The following ABCA13 variants were observed in gnomAD, a reference collection of about 807,000 sequenced individuals.
ABCA13 encodes the protein ATP binding cassette subfamily A member 13.
In ABCA13, 476 loss-of-function variants were observed where a neutral mutation model predicts 478.7. The observed-to-expected ratio is 0.99, with a 90% CI of 0.92 to 1.07. The LOEUF is 1.07. ABCA13 is among the 50% of genes least tolerant of loss of function. The probability of loss-of-function intolerance (pLI) is 0.00; values close to 1 mark genes in which losing one functional copy is unlikely to be tolerated. For synonymous variants in ABCA13, 2,252 were observed against 2,158.9 expected, an observed-to-expected ratio of 1.04 and a Z score of -1.20; for missense variants, 6,060 against 5,910.6, an observed-to-expected ratio of 1.03 and a Z score of -0.83.
intron 55 of ABCA13, among the ~76,000 whole-genome samples, chr7:48,549,693 C>T (rs1785136021): frequency 1.3e-5 from 2 of 151,762 alleles, no homozygotes; most frequent in South Asian, 2.1e-4. Context: ...AGTATAAAAG[C>T]GATTTTATTT....
chr7:48,345,071 C>A (rs1048924727), intron 29 of ABCA13, among the ~76,000 whole-genome samples: 2 of 152,126 alleles, frequency 1.3e-5, no homozygotes, highest in Admixed American at 6.5e-5. Context: ...TCATAATGAG[C>A]TGAAAATTCC....
chr7:48,265,469 G>A (rs1794749452), intron 15 of ABCA13, among the ~76,000 whole-genome samples: 1 of 151,336 alleles, frequency 6.6e-6, no homozygotes, highest in African/African-American at 2.4e-5. Context: ...AAATCCTGTT[G>A]TGTTCATTCT....
At chr7:48,248,112 G>T in intron 13 of ABCA13, 127 bp from the exon 14 acceptor site, 4 of 712,350 alleles carry the variant, frequency 5.6e-6, no homozygotes, top group South Asian at 2.2e-5. Flanking sequence ...CATGCCATAG[G>T]GCACGATCTT....
chr7:48,627,799 A>C (rs2131621642), intron 59 of ABCA13, among the ~76,000 whole-genome samples: 1 of 152,302 alleles, frequency 6.6e-6, no homozygotes, highest in Non-Finnish European at 1.5e-5. Flanking sequence ...GCTGCTGGAT[A>C]GCCTGGCAGA....
In ABCA13 at chr7:48,335,518, A is replaced by T. The variant is rs1280269019; in HGVS notation, c.10096A>T (p.Met3366Leu). The change falls in exon 28 of 62, where the codon ATG becomes TTG. Residue 3366 changes from methionine (M) to leucine (L), a missense_variant. Transcript: ENST00000435803. Reference protein sequence around the residue: ...SLFQRSGSGQMFNQLQEALRN... With the variant: ...SLFQRSGSGQLFNQLQEALRN... ...TTTCCAGAGAAGTGGAAGTGGCCAG[A>T]TGTTCAACCAGCTGCAGGTGAGTGG... 2.5e-6 allele frequency: 4 copies of T among 1,613,578 alleles called. No individual in the cohort carries two copies. In the Admixed American group the frequency reaches 5.0e-5, roughly 20 times the overall value.
intron 59 of ABCA13, among the ~76,000 whole-genome samples, chr7:48,640,202 A>T (rs1381129231): frequency 6.6e-6 from 1 of 152,190 alleles, no homozygotes; most frequent in Non-Finnish European, 1.5e-5. Flanking sequence ...TGTATTTGTT[A>T]TAAATTATGA....
At chr7:48,431,919 A>G (rs1472359859) in intron 42 of ABCA13, among the ~76,000 whole-genome samples, 1 of 152,204 alleles carries the variant, frequency 6.6e-6, no homozygotes, top group Non-Finnish European at 1.5e-5. Context: ...TTTGGCTTCT[A>G]CATAGATGGC....
intron 38 of ABCA13, among the ~76,000 whole-genome samples, chr7:48,402,776 C>T (rs1384950733): frequency 6.6e-6 from 1 of 152,216 alleles, no homozygotes; most frequent in African/African-American, 2.4e-5. Flanking sequence ...TTCTGCCTGT[C>T]TAGCCTTCTC....
Position 48,457,562 on chromosome 7 carries a change from T to C in ABCA13, c.12815+2276T>C, listed in dbSNP as rs1327348901. 3.3e-5 allele frequency among the ~76,000 whole-genome samples: 5 copies of C among 152,356 alleles called. No individual in the cohort carries two copies. In the South Asian group the frequency reaches 1.0e-3, roughly 32 times the overall value. ...TGATGCACTTCAAAATTATTTTGAG[T>C]CTGAGAATTAAGATATTTTAATATT... On this transcript the variant is annotated intron_variant, in intron 43 of 61. Coordinates refer to ENST00000435803, the MANE Select transcript of ABCA13 (RefSeq NM_152701.5).
chr7:48,613,866 TA>T lies in ABCA13; in HGVS notation c.14745-1417del, dbSNP rs920657707. Among the ~76,000 whole-genome samples, 57 of 148,056 alleles carry T rather than the reference TA, an allele frequency of 3.8e-4. 1 individual carries two copies. Among genetic ancestry groups the T allele is most frequent in the African/African-American group, 1.4e-3 (57 of 40,974 alleles). Reference sequence around the variant, plus strand: ...TTATAATATATTTTCATTATTATAATAATATAATTATAGATTACCAATTTTG... The same window carrying T: ...TTATAATATATTTTCATTATTATAATATATAATTATAGATTACCAATTTTG... On this transcript the variant is annotated intron_variant, in intron 58 of 61. Coordinates refer to ENST00000435803, the MANE Select transcript of ABCA13 (RefSeq NM_152701.5).
At chr7:48,614,303 T>C (rs1182751269) in intron 58 of ABCA13, among the ~76,000 whole-genome samples, 1 of 151,382 alleles carries the variant, frequency 6.6e-6, no homozygotes, top group Non-Finnish European at 1.5e-5. Flanking sequence ...GCTTCTCTCC[T>C]ATATATTTTA....
intron 15 of ABCA13, among the ~76,000 whole-genome samples, chr7:48,254,562 C>A (rs1397595512): frequency 6.6e-6 from 1 of 152,092 alleles, no homozygotes; most frequent in South Asian, 2.1e-4. Context: ...TTATTAAATG[C>A]ATTTCAGACA....
chr7:48,547,683 A>G (rs755667442), intron 55 of ABCA13, among the ~76,000 whole-genome samples: 5 of 151,886 alleles, frequency 3.3e-5, no homozygotes, highest in South Asian at 2.1e-4. Context: ...TGAGTACCAT[A>G]CTTTGGGTAC....
At chr7:48,482,674 G>A (rs2130569039) in intron 46 of ABCA13, among the ~76,000 whole-genome samples, 1 of 152,244 alleles carries the variant, frequency 6.6e-6, no homozygotes, top group South Asian at 2.1e-4. Context: ...GATTACAGGT[G>A]TGAGCCACCA....
At chr7:48,618,380 C>G (rs1044640637) in intron 59 of ABCA13, among the ~76,000 whole-genome samples, 1 of 152,206 alleles carries the variant, frequency 6.6e-6, no homozygotes, top group African/African-American at 2.4e-5. Context: ...AGCATTAACA[C>G]CCCAGCATCC....
At chr7:48,489,395 T>C (rs929499363) in intron 48 of ABCA13, 51 bp downstream of exon 48, 1 of 1,437,818 alleles carries the variant, frequency 7.0e-7, no homozygotes, top group Admixed American at 2.2e-5. Context: ...AAGACAATGT[T>C]TTTAAAAGTG....
At chr7:48,525,029 A>T (rs892446813) in intron 54 of ABCA13, among the ~76,000 whole-genome samples, 2 of 152,204 alleles carry the variant, frequency 1.3e-5, no homozygotes, top group African/African-American at 4.8e-5. Context: ...ATAAAAGAGC[A>T]CCTTGCATTC....
chr7:48,229,263 G>A (rs1415723169), intron 6 of ABCA13, among the ~76,000 whole-genome samples: 2 of 151,992 alleles, frequency 1.3e-5, no homozygotes, highest in South Asian at 2.1e-4. Context: ...AAATTAATAT[G>A]TATATGTAGA....
chr7:48,240,823 A>G (rs1427326958), intron 9 of ABCA13, 44 bp from the exon 10 acceptor site: 10 of 1,430,096 alleles, frequency 7.0e-6, no homozygotes, highest in Non-Finnish European at 5.5e-6. Context: ...GTTCTTTCCA[A>G]TTTGCTATTA....
Sources: allele counts gnomAD v4.1 joint callset (sites outside exome capture counted in the v4.1 genomes callset), GRCh38; gene constraint gnomAD v4.1.1; transcripts MANE v1.5; gene names NCBI Gene and HGNC (gene_info 2026-07-23, HGNC 2026-07-21).